The following RBFOX1 variants were observed in gnomAD, a reference collection of about 807,000 sequenced individuals.
RBFOX1 encodes RNA binding protein fox-1 homolog 1.
Under a neutral mutation model 57.7 loss-of-function variants are expected in RBFOX1, and 8 were observed. The ratio of observed to expected loss-of-function variants is 0.14; its 90% confidence interval spans 0.08 to 0.25. The LOEUF is 0.25. RBFOX1 is among the 10% of genes least tolerant of loss of function. RBFOX1 has a pLI of 1.00. For synonymous variants in RBFOX1, 326 were observed against 222.4 expected (o/e 1.47, Z -4.15); for missense variants, 611 against 548.5 (o/e 1.11, Z -1.14).
At chr16:5,427,343 A>C (rs1392622199) in intron 1 of RBFOX1, among the ~76,000 whole-genome samples, 1 of 152,156 alleles carries the variant, frequency 6.6e-6, no homozygotes, top group Non-Finnish European at 1.5e-5. Context: ...CCAGCACTTT[A>C]GGAGGCAGAG....
intron 2 of RBFOX1, among the ~76,000 whole-genome samples, chr16:6,566,554 ATTTGTC>A (rs2097269116): frequency 1.3e-5 from 2 of 151,960 alleles, no homozygotes; most frequent in South Asian, 4.2e-4. Flanking sequence ...TCCCTTGACT[ATTTGTC>A]GAGACCTTTG....
At chr16:7,677,430 T>C (rs2073673529) in intron 14 of RBFOX1, among the ~76,000 whole-genome samples, 1 of 152,120 alleles carries the variant, frequency 6.6e-6, no homozygotes, top group Non-Finnish European at 1.5e-5. Context: ...CTTTTATTTG[T>C]AATGTACACC....
At chr16:6,664,299 C>A (rs978057239) in intron 3 of RBFOX1, among the ~76,000 whole-genome samples, 2 of 152,158 alleles carry the variant, frequency 1.3e-5, no homozygotes, top group Non-Finnish European at 2.9e-5. Context: ...AGATTAGTAA[C>A]CCTCATTCCT....
intron 2 of RBFOX1, among the ~76,000 whole-genome samples, chr16:6,495,704 C>T (rs1300639145): frequency 6.6e-6 from 1 of 152,136 alleles, no homozygotes; most frequent in African/African-American, 2.4e-5. Flanking sequence ...GATTTCACAA[C>T]CCTCCCTTGG....
intron 3 of RBFOX1, among the ~76,000 whole-genome samples, chr16:6,792,756 C>T (rs931384966): frequency 6.6e-6 from 1 of 152,154 alleles, no homozygotes; most frequent in Non-Finnish European, 1.5e-5. Flanking sequence ...GATGGGCCGG[C>T]ATGGTGGCTC....
chr16:6,587,994 C>T (rs1445795426), intron 2 of RBFOX1, among the ~76,000 whole-genome samples: 2 of 152,112 alleles, frequency 1.3e-5, no homozygotes, highest in African/African-American at 2.4e-5. Context: ...CTTTGGGAGG[C>T]CGAGGAGAAT....
chr16:5,911,421 C>A (rs2058599791), intron 4 of RBFOX1, among the ~76,000 whole-genome samples: 1 of 152,156 alleles, frequency 6.6e-6, no homozygotes, highest in African/African-American at 2.4e-5. Context: ...AGCACAACTT[C>A]CCTGGGGGCA....
chr16:7,037,775 G>C (rs575472548), intron 3 of RBFOX1, among the ~76,000 whole-genome samples: 1 of 152,250 alleles, frequency 6.6e-6, no homozygotes, highest in African/African-American at 2.4e-5. Flanking sequence ...TTTGAACCTT[G>C]GAAGTCTGGC....
At chr16:7,155,472 T>G (rs1225032323) in intron 4 of RBFOX1, among the ~76,000 whole-genome samples, 1 of 151,456 alleles carries the variant, frequency 6.6e-6, no homozygotes, top group Non-Finnish European at 1.5e-5. Context: ...GGTATGCACT[T>G]GTAGTCTCAG....
At chr16:6,136,334 C>T (rs1030288088) in intron 1 of RBFOX1, among the ~76,000 whole-genome samples, 6 of 152,110 alleles carry the variant, frequency 3.9e-5, no homozygotes, top group African/African-American at 1.4e-4. Context: ...TCCCCCAAGG[C>T]ACCCTGTAAT....
At chr16:7,239,585 A>G (rs1319983523) in intron 4 of RBFOX1, among the ~76,000 whole-genome samples, 2 of 152,186 alleles carry the variant, frequency 1.3e-5, no homozygotes, top group African/African-American at 2.4e-5. Context: ...TGCATGTGTG[A>G]AAGAATAAAA....
chr16:7,175,818 G>A (rs2081541895), intron 4 of RBFOX1, among the ~76,000 whole-genome samples: 1 of 152,132 alleles, frequency 6.6e-6, no homozygotes, highest in South Asian at 2.1e-4. Flanking sequence ...TCTCAGCTGG[G>A]TTGCAGTAAT....
intron 2 of RBFOX1, among the ~76,000 whole-genome samples, chr16:6,595,361 G>A (rs1009658620): frequency 6.6e-6 from 1 of 152,076 alleles, no homozygotes; most frequent in Non-Finnish European, 1.5e-5. Context: ...GTTTTCAAGG[G>A]CCATCAATGT....
intron 3 of RBFOX1, among the ~76,000 whole-genome samples, chr16:5,731,792 A>G (rs1213456821): frequency 6.6e-6 from 1 of 152,216 alleles, no homozygotes; most frequent in South Asian, 2.1e-4. Flanking sequence ...GACAGGAAGT[A>G]TGAAATCTTA....
chr16:5,588,689 G>A (rs900945697), intron 2 of RBFOX1, among the ~76,000 whole-genome samples: 3 of 152,158 alleles, frequency 2.0e-5, no homozygotes, highest in Admixed American at 2.0e-4. Flanking sequence ...TGAATTGGGA[G>A]AGGCATGAAC....
At chr16:6,542,360 G>A (rs1244053308) in intron 2 of RBFOX1, among the ~76,000 whole-genome samples, 1 of 152,008 alleles carries the variant, frequency 6.6e-6, no homozygotes, top group African/African-American at 2.4e-5. Flanking sequence ...AAATGCAGGG[G>A]TGAGGCAGGT....
chr16:5,240,546 G>A (rs1196198266), intron 1 of RBFOX1, among the ~76,000 whole-genome samples: 7 of 152,196 alleles, frequency 4.6e-5, no homozygotes, highest in African/African-American at 9.6e-5. Flanking sequence ...GCTCTGCTGG[G>A]CTGCGGGCTG....
In RBFOX1 at chr16:7,045,787, C is replaced by G. The variant is rs970714629; in HGVS notation, c.-15-6270C>G. On this transcript the variant is annotated intron_variant, in intron 3 of 15. Coordinates refer to ENST00000550418, the MANE Select transcript of RBFOX1 (RefSeq NM_018723.4). The stretch of plus-strand genomic sequence containing the variant: ...TCTCTTGCCTCAGCCTCCTGAGTAG[C>G]TGGGACTACAGGCGCATTCCACCAC... Among the ~76,000 whole-genome samples, 9 of 152,038 alleles carry G rather than the reference C, an allele frequency of 5.9e-5. 1 individual carries two copies. Among genetic ancestry groups the G allele is most frequent in the Admixed American group, 5.9e-4 (9 of 15,256 alleles).
chr16:5,988,293 AT>A (rs2060321201), intron 4 of RBFOX1, among the ~76,000 whole-genome samples: 1 of 152,220 alleles, frequency 6.6e-6, no homozygotes. Flanking sequence ...AATTAAAATA[AT>A]GAGAGTTGAA....
Sources: allele counts gnomAD v4.1 joint callset (sites outside exome capture counted in the v4.1 genomes callset), GRCh38; gene constraint gnomAD v4.1.1; transcripts MANE v1.5; gene names NCBI Gene and HGNC (gene_info 2026-07-23, HGNC 2026-07-21).